Variants in PTGFRN observed in about 807,000 individuals in gnomAD.
The protein encoded by PTGFRN is prostaglandin F2 receptor negative regulator.
In PTGFRN, 35 loss-of-function variants were observed where a neutral mutation model predicts 83.2. That is an observed-to-expected ratio of 0.42 (90% CI 0.32 to 0.56). The LOEUF (loss-of-function observed/expected upper bound fraction) is 0.56. Among genes scored for constraint, PTGFRN ranks in the 20% least tolerant of loss-of-function variants. The probability of loss-of-function intolerance (pLI) is 0.11; values close to 1 mark genes in which losing one functional copy is unlikely to be tolerated. For missense variants in PTGFRN, 1,051 were observed against 1,179.5 expected, an observed-to-expected ratio of 0.89 and a Z score of 1.60; for synonymous variants, 519 against 498.6, an observed-to-expected ratio of 1.04 and a Z score of -0.55.
intron 7 of PTGFRN, among the ~76,000 whole-genome samples, chr1:116,980,483 A>G (rs1431276577): frequency 3.9e-5 from 6 of 152,230 alleles, no homozygotes; most frequent in Non-Finnish European, 8.8e-5. Flanking sequence ...AGACTAGATT[A>G]AGAAAATGTG....
chr1:116,975,893 GAGA>G (rs1421287650), intron 7 of PTGFRN, among the ~76,000 whole-genome samples: 1 of 152,252 alleles, frequency 6.6e-6, no homozygotes, highest in East Asian at 1.9e-4. Context: ...GACAAGTTGA[GAGA>G]AGAAGGCTTC....
At chr1:116,954,142 G>A (rs1218666552) in intron 4 of PTGFRN, among the ~76,000 whole-genome samples, 2 of 152,036 alleles carry the variant, frequency 1.3e-5, no homozygotes, top group Admixed American at 6.5e-5. Context: ...ACAGGTGTGA[G>A]CCACCGTGCC....
rs137981718 is a variant in PTGFRN at position 116,940,279 on chromosome 1, C to T, written c.50-1436C>T. Among the ~76,000 whole-genome samples, 581 of 152,328 alleles carry T rather than the reference C, an allele frequency of 3.8e-3. 2 individuals carry two copies. Among genetic ancestry groups the T allele is most frequent in the African/African-American group, 0.013 (548 of 41,572 alleles). On this transcript the variant is annotated intron_variant, in intron 1 of 8. Transcript: ENST00000393203. The stretch of plus-strand genomic sequence containing the variant: ...GAGAGGGAGAATCTGTTCCGTGCTT[C>T]TCCCTTAGCTTCTGGTGGCTTGCTG...
At chr1:116,957,249 G>A (rs566896028) in intron 4 of PTGFRN, among the ~76,000 whole-genome samples, 14 of 152,006 alleles carry the variant, frequency 9.2e-5, no homozygotes, top group African/African-American at 2.9e-4. Flanking sequence ...TAGTAAAGAC[G>A]CCATGGATGC....
chr1:116,953,336 C>T (rs1463552631), intron 4 of PTGFRN, among the ~76,000 whole-genome samples: 1 of 152,100 alleles, frequency 6.6e-6, no homozygotes, highest in African/African-American at 2.4e-5. Context: ...AGATTTAGAC[C>T]TGTAGGTTTT....
rs937694118 is a variant in PTGFRN at position 116,990,215 on chromosome 1, G to A, written c.*3248G>A. On this transcript the variant is annotated 3_prime_UTR_variant, in exon 9 of 9. Coordinates refer to ENST00000393203, the MANE Select transcript of PTGFRN (RefSeq NM_020440.4). Reference sequence around the variant, plus strand: ...CACATAAGGATCTGCAGAATTTTCCGTAGACAAAGAAAGGATCTTGTGTAT... The same window carrying A: ...CACATAAGGATCTGCAGAATTTTCCATAGACAAAGAAAGGATCTTGTGTAT... The A allele has an allele frequency of 2.6e-5, 4 of 152,584 alleles. No homozygotes were observed. The highest frequency in any genetic ancestry group is 9.7e-5 in the African/African-American group (4 of 41,420). 9.5% of individuals were successfully genotyped at this position (152,584 alleles called of 1,614,324 possible). A position where few individuals can be genotyped will look rare whatever the true frequency, so the allele number is the denominator to read the frequency against.
intron 1 of PTGFRN, among the ~76,000 whole-genome samples, chr1:116,940,233 G>T (rs1451257643): frequency 1.3e-5 from 2 of 152,238 alleles, no homozygotes; most frequent in African/African-American, 4.8e-5. Context: ...AGGTGTCGGG[G>T]AGTGGTTCCT....
chr1:116,919,877 C>G (rs762695128), intron 1 of PTGFRN, among the ~76,000 whole-genome samples: 4 of 152,252 alleles, frequency 2.6e-5, no homozygotes, highest in Non-Finnish European at 5.9e-5. Flanking sequence ...CCTTGTCCTT[C>G]TACTCACTAG....
chr1:116,929,420 C>T (rs529993519), intron 1 of PTGFRN, among the ~76,000 whole-genome samples: 1 of 152,312 alleles, frequency 6.6e-6, no homozygotes, highest in African/African-American at 2.4e-5. Context: ...AGAAAGTAGG[C>T]TCTATCGTTT....
chr1:116,911,203 C>T (rs959401767), intron 1 of PTGFRN, among the ~76,000 whole-genome samples: 1 of 152,182 alleles, frequency 6.6e-6, no homozygotes, highest in African/African-American at 2.4e-5. Flanking sequence ...ATTCTTGGAT[C>T]CTTGTTGTCA....
chr1:116,916,764 C>T (rs1361261515), intron 1 of PTGFRN, among the ~76,000 whole-genome samples: 2 of 152,170 alleles, frequency 1.3e-5, no homozygotes, highest in Non-Finnish European at 1.5e-5. Flanking sequence ...CTCAGTAACA[C>T]GGCTAGCAGC....
Position 116,941,660 on chromosome 1 carries a change from TC to T in PTGFRN, c.50-53del, listed in dbSNP as rs1238374779. The T allele has an allele frequency of 6.5e-7, 1 of 1,549,916 alleles. No individual in the cohort carries two copies. Among genetic ancestry groups the T allele is most frequent in the African/African-American group, 1.4e-5 (1 of 73,388 alleles). ...AGCATCCACAGGTTTGCCACATTTG[TC>T]CTGGGAAGACTTTCTGTGATTAAAG... On this transcript the variant is annotated intron_variant, in intron 1 of 8. Coordinates refer to ENST00000393203, the MANE Select transcript of PTGFRN (RefSeq NM_020440.4). This position sits in a 1 kb window ranked among gnomAD's most constrained non-coding sequence, Gnocchi z 5.0.
intron 4 of PTGFRN, among the ~76,000 whole-genome samples, chr1:116,953,435 G>A (rs557474933): frequency 2.0e-5 from 3 of 152,292 alleles, no homozygotes; most frequent in Admixed American, 6.5e-5. Context: ...GGAGACATGT[G>A]TTAGTCCTCC....
Position 116,961,685 on chromosome 1 carries a change from T to C in PTGFRN, c.1639+17T>C. On this transcript the variant is annotated intron_variant, in intron 5 of 8. Coordinates refer to ENST00000393203, the MANE Select transcript of PTGFRN (RefSeq NM_020440.4). This position sits in a 1 kb window ranked among gnomAD's most constrained non-coding sequence, Gnocchi z 5.4. ...CATTAGAAGGTAGGAACTTTTTTCT[T>C]GTTATTCATTTTTGTTTTGTCTTTG... 1 of 1,589,446 alleles carries C rather than the reference T, an allele frequency of 6.3e-7. No homozygotes were observed. Among genetic ancestry groups the C allele is most frequent in the Non-Finnish European group, 8.6e-7 (1 of 1,167,814 alleles).
Position 116,941,616 on chromosome 1 carries a change from T to C in PTGFRN, c.50-99T>C, listed in dbSNP as rs1650062208. The C allele has an allele frequency of 2.7e-6, 4 of 1,462,172 alleles. No individual in the cohort carries two copies. The highest frequency in any genetic ancestry group is 3.7e-6 in the Non-Finnish European group (4 of 1,094,706). The allele number at this position is 1,462,172 out of a possible 1,614,324, so 90.6% of individuals were successfully genotyped here. On this transcript the variant is annotated intron_variant, in intron 1 of 8. Coordinates refer to ENST00000393203, the MANE Select transcript of PTGFRN (RefSeq NM_020440.4). This position sits in a 1 kb window ranked among gnomAD's most constrained non-coding sequence, Gnocchi z 5.0. ...CCTAGTAGTTTGGCTGTCACGTTTC[T>C]GCCATGCCTGTGAGCAGGAGCATCC...
chr1:116,951,819 T>C (rs1336984505), intron 4 of PTGFRN, among the ~76,000 whole-genome samples: 1 of 152,168 alleles, frequency 6.6e-6, no homozygotes, highest in Non-Finnish European at 1.5e-5. Flanking sequence ...CAGAAGCCAG[T>C]GAGCCTGGCC....
chr1:116,933,169 A>C (rs1649840273), intron 1 of PTGFRN, among the ~76,000 whole-genome samples: 2 of 152,180 alleles, frequency 1.3e-5, no homozygotes, highest in Admixed American at 6.5e-5. Flanking sequence ...TACTATGAGA[A>C]ATGCTTATAT....
At chr1:116,963,641 T>C (rs983606742) in intron 5 of PTGFRN, among the ~76,000 whole-genome samples, 1 of 152,200 alleles carries the variant, frequency 6.6e-6, no homozygotes, top group Non-Finnish European at 1.5e-5. Flanking sequence ...AGTGTCTCAC[T>C]CTGTTGCCCA....
Position 116,910,111 on chromosome 1 carries a change from G to C in PTGFRN, c.-93G>C. 7.2e-7 allele frequency: 1 copy of C among 1,379,790 alleles called. No individual in the cohort carries two copies. The highest frequency in any genetic ancestry group is 9.9e-7 in the Non-Finnish European group (1 of 1,014,588). 85.5% of individuals were successfully genotyped at this position (1,379,790 alleles called of 1,614,324 possible). Reference sequence around the variant, plus strand: ...AGGCGCGCGGCCCAGGCGGAGGAGCGCCGACTCTGGAGCAGCCGGAGCTGG... The same window carrying C: ...AGGCGCGCGGCCCAGGCGGAGGAGCCCCGACTCTGGAGCAGCCGGAGCTGG... On this transcript the variant is annotated 5_prime_UTR_variant, in exon 1 of 9. Coordinates refer to ENST00000393203, the MANE Select transcript of PTGFRN (RefSeq NM_020440.4).
Sources: allele counts gnomAD v4.1 joint callset (sites outside exome capture counted in the v4.1 genomes callset), GRCh38; gene constraint gnomAD v4.1.1; non-coding constraint Gnocchi (gnomAD v3.1); transcripts MANE v1.5; gene names NCBI Gene and HGNC (gene_info 2026-07-23, HGNC 2026-07-21).